PCNT: variants seen among roughly 807,000 people sequenced by gnomAD.
The protein encoded by PCNT is pericentrin, also known as kendrin.
In PCNT, 319 loss-of-function variants were observed where a neutral mutation model predicts 380.4. The observed-to-expected ratio is 0.84, with a 90% CI of 0.77 to 0.92. The LOEUF (loss-of-function observed/expected upper bound fraction) is 0.92. Among genes scored for constraint, PCNT ranks in the 40% least tolerant of loss-of-function variants. The pLI is 0.00. For missense variants in PCNT, 4,400 were observed against 4,255.3 expected, an observed-to-expected ratio of 1.03 and a Z score of -0.95; for synonymous variants, 1,845 against 1,735.2, an observed-to-expected ratio of 1.06 and a Z score of -1.57.
intron 42 of PCNT, among the ~76,000 whole-genome samples, 170 bp from the exon 43 acceptor site, chr21:46,440,685 A>G (rs534429127): frequency 2.4e-4 from 37 of 151,896 alleles, no homozygotes; most frequent in African/African-American, 8.5e-4. Context: ...ATCTTCCAAC[A>G]GCAAGGTTGT....
At chr21:46,413,045 G>T (rs2086847134) in intron 29 of PCNT, 53 bp downstream of exon 29, 8 of 1,539,270 alleles carry the variant, frequency 5.2e-6, no homozygotes, top group Middle Eastern at 1.7e-4. Flanking sequence ...TGGACACGCG[G>T]CAGCAAGGTG....
At chr21:46,384,572 T>TAA (rs1476375614) in intron 16 of PCNT, among the ~76,000 whole-genome samples, 3 of 144,644 alleles carry the variant, frequency 2.1e-5, no homozygotes, top group African/African-American at 7.7e-5. Context: ...TGTTGTGCAT[T>TAA]CAGTGGTGGA....
At chr21:46,348,285 C>T (rs939781018) in intron 6 of PCNT, 5 of 163,874 alleles carry the variant, frequency 3.1e-5, no homozygotes, top group African/African-American at 4.8e-5. Context: ...TCGTCTGTTT[C>T]GGGGTGGGTG....
chr21:46,349,883 A>G, intron 8 of PCNT, 63 bp downstream of exon 8: 1 of 1,476,872 alleles, frequency 6.8e-7, no homozygotes, highest in Non-Finnish European at 9.5e-7. Flanking sequence ...AGATTTTGGA[A>G]TTGGGCTATT....
chr21:46,431,176 C>T (rs2147977036), intron 37 of PCNT: 2 of 1,211,090 alleles, frequency 1.7e-6, no homozygotes, highest in East Asian at 1.0e-4. Context: ...GCAGGAGCCT[C>T]TGGTGGAGTG....
chr21:46,400,072 A>G lies in PCNT; in HGVS notation c.4791+276A>G, dbSNP rs2839240. Among the ~76,000 whole-genome samples, 18,324 of 152,098 alleles carry G rather than the reference A, an allele frequency of 0.12. 1,232 individuals are homozygous for G. Among genetic ancestry groups the G allele is most frequent in the South Asian group, 0.21 (1,020 of 4,828 alleles). On this transcript the variant is annotated intron_variant, in intron 25 of 46. Coordinates refer to ENST00000359568, the MANE Select transcript of PCNT (RefSeq NM_006031.6). The stretch of plus-strand genomic sequence containing the variant: ...ACTCTGAATTTATCCTTAATATTTC[A>G]TAAAGTAAACATTTAAGATTTTAGG...
chr21:46,334,354 A>G, intron 2 of PCNT, 43 bp from the exon 3 acceptor site: 1 of 1,613,674 alleles, frequency 6.2e-7, no homozygotes, highest in Non-Finnish European at 8.5e-7. Context: ...CTGCAGCCCT[A>G]GACCTTGCTT....
At chr21:46,422,731 G>A (rs898198959) in intron 32 of PCNT, among the ~76,000 whole-genome samples, 1 of 152,162 alleles carries the variant, frequency 6.6e-6, no homozygotes, top group Non-Finnish European at 1.5e-5. Flanking sequence ...CTTCACATCA[G>A]TGAAACCTCT....
chr21:46,428,478 C>G lies in PCNT; in HGVS notation c.7578C>G (p.Ala2526=), dbSNP rs756779296. Residue 2526 remains alanine (A), a synonymous_variant, in exon 35 of 47, where the codon GCC becomes GCG. Coordinates refer to ENST00000359568, the MANE Select transcript of PCNT (RefSeq NM_006031.6). ...TGTCCGAGATCCAGGCGCTGCGTGC[C>G]CAGCTGCGCATGACGCACCTGCAGA... ...SLLSEIQALR[A]QLRMTHLQNQ... 1 of 1,612,362 alleles carries G rather than the reference C, an allele frequency of 6.2e-7. No individual in the cohort carries two copies. Among genetic ancestry groups the G allele is most frequent in the East Asian group, 2.2e-5 (1 of 44,880 alleles).
chr21:46,366,862 G>A lies in PCNT; in HGVS notation c.2888G>A (p.Arg963Lys), dbSNP rs769494387. Residue 963 changes from arginine to lysine, a missense_variant, in exon 15 of 47, where the codon AGA becomes AAA. Physicochemically the swap from Arg to Lys is conservative, Grantham distance 26. Coordinates refer to ENST00000359568, the MANE Select transcript of PCNT (RefSeq NM_006031.6). ...GCCGACCTCGGCGCTCTGGAGACCA[G>A]ACATCTGTCCAGCCTTGATTCTTTG... ...HAADLGALET[R>K]HLSSLDSLES... The A allele has an allele frequency of 1.2e-6, 2 of 1,614,160 alleles. No individual in the cohort carries two copies. The highest frequency in any genetic ancestry group is 1.7e-6 in the Non-Finnish European group (2 of 1,180,050).
intron 21 of PCNT, among the ~76,000 whole-genome samples, chr21:46,396,059 C>T (rs2086199631): frequency 6.6e-6 from 1 of 152,126 alleles, no homozygotes; most frequent in African/African-American, 2.4e-5. Context: ...AAAATAGAGA[C>T]TTCAGGATTC....
chr21:46,419,378 A>G (rs911964821), intron 31 of PCNT, among the ~76,000 whole-genome samples: 9 of 151,952 alleles, frequency 5.9e-5, no homozygotes, highest in African/African-American at 1.9e-4. Context: ...GCCACATTCA[A>G]CTCTCAGAAA....
intron 2 of PCNT, among the ~76,000 whole-genome samples, chr21:46,334,081 C>T (rs1034505081): frequency 3.8e-4 from 58 of 151,522 alleles, no homozygotes; most frequent in Middle Eastern, 3.4e-3. Flanking sequence ...GGCGGGCACC[C>T]ATAGTCCCAG....
chr21:46,436,488 C>CG (rs1569306419), intron 39 of PCNT, among the ~76,000 whole-genome samples: 2 of 87,580 alleles, frequency 2.3e-5, no homozygotes, highest in Non-Finnish European at 5.8e-5. Context: ...CCCCCCCCCC[C>CG]GCTGGCACTG....
At chr21:46,421,629 T>C (rs2087254472) in intron 31 of PCNT, among the ~76,000 whole-genome samples, 1 of 152,218 alleles carries the variant, frequency 6.6e-6, no homozygotes, top group Non-Finnish European at 1.5e-5. Flanking sequence ...GTCCCGCTGC[T>C]CTTGAGCTTG....
At chr21:46,345,124 C>T (rs893294768) in intron 3 of PCNT, among the ~76,000 whole-genome samples, 7 of 152,170 alleles carry the variant, frequency 4.6e-5, no homozygotes, top group Admixed American at 2.6e-4. Flanking sequence ...GCGTCATTTC[C>T]GCCTTTTTCC....
At chr21:46,370,261 G>A (rs1187660837) in intron 15 of PCNT, among the ~76,000 whole-genome samples, 1 of 152,034 alleles carries the variant, frequency 6.6e-6, no homozygotes, top group East Asian at 1.9e-4. Context: ...CCCTCCTGTT[G>A]GGGCCTCCGG....
At chr21:46,416,946 G>C in intron 30 of PCNT, 107 bp downstream of exon 30, 1 of 1,104,628 alleles carries the variant, frequency 9.1e-7, no homozygotes, top group Non-Finnish European at 1.3e-6. Context: ...CACACACCTC[G>C]CAGTGCTGTG....
In PCNT at chr21:46,430,531, C is replaced by T. The variant is rs1179560746; in HGVS notation, c.7938C>T (p.Asn2646=). 10 of 1,553,062 alleles carry T rather than the reference C, an allele frequency of 6.4e-6. No homozygotes were observed. The highest frequency in any genetic ancestry group is 2.4e-5 in the East Asian group (1 of 41,214). ...QLRSMLSSKE[N]ELKAALQELE... is the part of the protein sequence containing the mutation. ...GATCCATGCTGAGCAGTAAGGAGAA[C>T]GAGCTGAAGGCCGCGCTTCAGGAGC... Residue 2646 remains asparagine (N), a synonymous_variant, in exon 37 of 47, where the codon AAC becomes AAT. Coordinates refer to ENST00000359568, the MANE Select transcript of PCNT (RefSeq NM_006031.6).
Sources: allele counts gnomAD v4.1 joint callset (sites outside exome capture counted in the v4.1 genomes callset), GRCh38; gene constraint gnomAD v4.1.1; transcripts MANE v1.5; gene names NCBI Gene and HGNC (gene_info 2026-07-23, HGNC 2026-07-21).